TRIP12: variants seen among roughly 807,000 people sequenced by gnomAD.
The protein encoded by TRIP12 is thyroid hormone receptor interactor 12.
TRIP12 carries 25 observed loss-of-function variants against 244.2 expected under a neutral mutation model. The observed-to-expected ratio is 0.10, with a 90% confidence interval of 0.07 to 0.14. The LOEUF (loss-of-function observed/expected upper bound fraction) is 0.14. TRIP12 is among the 10% of genes least tolerant of loss of function. The probability of loss-of-function intolerance (pLI) is 1.00; values close to 1 mark genes in which losing one functional copy is unlikely to be tolerated. For synonymous variants in TRIP12, 905 were observed against 873.1 expected, an observed-to-expected ratio of 1.04 and a Z score of -0.64; for missense variants, 1,677 against 2,486.4, an observed-to-expected ratio of 0.67 and a Z score of 6.92.
rs148440574 is a variant in TRIP12, at chr2:229,858,962, C to G, written c.837G>C (p.Ala279=). The G allele has an allele frequency of 1.9e-6, 3 of 1,614,068 alleles. No individual in the cohort carries two copies. In the African/African-American group the frequency reaches 4.0e-5, roughly 22 times the overall value. ...DQNKARRSRS[A]SSPSPRRSSR... ...TACTTCTTCTGGGGCTGGGACTGGA[C>G]GCTGAACGGGAACGCCTGGCCTTGT... is the stretch of plus-strand genomic sequence containing the variant. The change falls in exon 4 of 42, where the codon GCG becomes GCC. Residue 279 remains alanine, a synonymous_variant. Coordinates refer to ENST00000675903, the MANE Select transcript of TRIP12 (RefSeq NM_001348323.3).
chr2:229,860,310 A>G (rs2060256631), intron 3 of TRIP12, 96 bp downstream of exon 3: 7 of 1,445,072 alleles, frequency 4.8e-6, no homozygotes, highest in Non-Finnish European at 6.5e-6. Flanking sequence ...AATATGTATC[A>G]AAACGTTTTG....
Position 229,795,345 on chromosome 2 carries a change from A to C in TRIP12, c.3817-15T>G, listed in dbSNP as rs745503826. 6.2e-7 allele frequency: 1 copy of C among 1,608,802 alleles called. No homozygotes were observed. The highest frequency in any genetic ancestry group is 8.5e-7 in the Non-Finnish European group (1 of 1,177,556). On this transcript the variant is annotated splice_polypyrimidine_tract_variant and intron_variant, in intron 25 of 41. Coordinates refer to ENST00000675903, the MANE Select transcript of TRIP12 (RefSeq NM_001348323.3). ...TCTCCAGGAAGCTAAAGTTATAAATAAACAAACAGGTTAAACAAAGCCTTT... is the reference window on the plus strand; with the variant it reads ...TCTCCAGGAAGCTAAAGTTATAAATCAACAAACAGGTTAAACAAAGCCTTT...
intron 4 of TRIP12, among the ~76,000 whole-genome samples, chr2:229,847,607 G>T: frequency 6.6e-6 from 1 of 152,186 alleles, no homozygotes; most frequent in East Asian, 1.9e-4. Context: ...AATGCACTGG[G>T]AAGTCCAGAA....
Position 229,810,816 on chromosome 2 carries a change from A to C in TRIP12, c.2221+64T>G. The stretch of plus-strand genomic sequence containing the variant: ...TCTTCCATTTGCTCGGCTTATGTTG[A>C]CTTTACATATTAATGAAGAACCAAC... On this transcript the variant is annotated intron_variant, in intron 15 of 41. Transcript: ENST00000675903. 7 of 1,532,044 alleles carry C rather than the reference A, an allele frequency of 4.6e-6. No individual in the cohort carries two copies. The Middle Eastern group carries it at 6.9e-4, about 150-fold the overall frequency. 94.9% of individuals were successfully genotyped at this position (1,532,044 alleles called of 1,614,324 possible).
At chr2:229,879,762 T>C (rs957578228) in intron 2 of TRIP12, among the ~76,000 whole-genome samples, 2 of 152,180 alleles carry the variant, frequency 1.3e-5, no homozygotes. Flanking sequence ...AGGTGTCTGA[T>C]CATGTCAGTG....
intron 38 of TRIP12, chr2:229,773,880 G>A: frequency 2.5e-6 from 1 of 398,040 alleles, no homozygotes; most frequent in Non-Finnish European, 4.5e-6. Context: ...ATTCAAGCCT[G>A]AGGAGAAATA....
At chr2:229,913,148 C>A (rs571108807) in intron 1 of TRIP12, among the ~76,000 whole-genome samples, 1 of 152,294 alleles carries the variant, frequency 6.6e-6, no homozygotes, top group Non-Finnish European at 1.5e-5. Flanking sequence ...CAGCACCTGG[C>A]TGAATATTTG....
chr2:229,827,451 C>G (rs2052005053), intron 8 of TRIP12, among the ~76,000 whole-genome samples: 2 of 151,914 alleles, frequency 1.3e-5, no homozygotes, highest in South Asian at 4.2e-4. Context: ...TAAGCTTTTT[C>G]CTATTTTGAA....
rs2052643549 is a variant in TRIP12 at position 229,829,298 on chromosome 2, A to G, written c.1355-10T>C. ...CTTGCCTCTAACAAAGCTAAAGAAAAAAGAAGGGCAGAGTGAACAACTAAG... is the reference window on the plus strand; with the variant it reads ...CTTGCCTCTAACAAAGCTAAAGAAAGAAGAAGGGCAGAGTGAACAACTAAG... On this transcript the variant is annotated splice_polypyrimidine_tract_variant and intron_variant, in intron 7 of 41. Transcript: ENST00000675903. 1 of 1,607,772 alleles carries G rather than the reference A, an allele frequency of 6.2e-7. No homozygotes were observed. The highest frequency in any genetic ancestry group is 1.1e-5 in the South Asian group (1 of 89,858).
chr2:229,885,624 C>G (rs2065856773), intron 1 of TRIP12, among the ~76,000 whole-genome samples: 1 of 152,156 alleles, frequency 6.6e-6, no homozygotes, highest in African/African-American at 2.4e-5. Context: ...ATAGAAATCA[C>G]CCTTGTGTAT....
intron 5 of TRIP12, among the ~76,000 whole-genome samples, chr2:229,838,150 G>T (rs1432589104): frequency 1.3e-5 from 2 of 151,850 alleles, no homozygotes; most frequent in African/African-American, 4.8e-5. Context: ...GAGAGCACTG[G>T]AAGAGTTTAT....
intron 1 of TRIP12, among the ~76,000 whole-genome samples, chr2:229,883,044 T>C (rs757810189): frequency 1.3e-5 from 2 of 152,220 alleles, no homozygotes; most frequent in Non-Finnish European, 2.9e-5. Context: ...AAATAAAAGA[T>C]TAACATATGA....
At chr2:229,877,154 G>A (rs1455201064) in intron 2 of TRIP12, among the ~76,000 whole-genome samples, 1 of 152,042 alleles carries the variant, frequency 6.6e-6, no homozygotes, top group East Asian at 1.9e-4. Flanking sequence ...TACTTGCGAT[G>A]CAGTGAGCTA....
chr2:229,864,047 A>AGAGAGAGTGTGTGT, intron 2 of TRIP12, among the ~76,000 whole-genome samples: 13 of 79,296 alleles, frequency 1.6e-4, no homozygotes, highest in Non-Finnish European at 2.8e-4. Flanking sequence ...AGAGAGAGAG[A>AGAGAGAGTGTGTGT]GTGTGTGTGT....
chr2:229,777,867 C>T (rs993985942), intron 36 of TRIP12, among the ~76,000 whole-genome samples: 3 of 152,256 alleles, frequency 2.0e-5, no homozygotes, highest in African/African-American at 4.8e-5. Context: ...AAAGTGCCTC[C>T]GAAAACATGA....
intron 8 of TRIP12, among the ~76,000 whole-genome samples, chr2:229,820,194 G>C (rs1158411517): frequency 6.6e-6 from 1 of 151,998 alleles, no homozygotes; most frequent in Admixed American, 6.5e-5. Context: ...TGGCCTAAGA[G>C]CACAACCCCC....
chr2:229,862,211 T>G (rs2060588731), intron 2 of TRIP12, among the ~76,000 whole-genome samples: 1 of 152,226 alleles, frequency 6.6e-6, no homozygotes, highest in South Asian at 2.1e-4. Flanking sequence ...TTCCTAGATA[T>G]TCTCCCATTG....
chr2:229,818,580 C>G (rs752708410), intron 8 of TRIP12, 68 bp from the exon 9 acceptor site: 5 of 1,445,872 alleles, frequency 3.5e-6, no homozygotes, highest in Non-Finnish European at 4.7e-6. Context: ...TAAGGTGTGA[C>G]TCGAAATGTA....
intron 4 of TRIP12, among the ~76,000 whole-genome samples, chr2:229,845,161 A>C (rs2057314962): frequency 6.6e-6 from 1 of 152,202 alleles, no homozygotes; most frequent in Admixed American, 6.5e-5. Context: ...GTGAGATTGC[A>C]AGTGCTATCT....
Sources: allele counts gnomAD v4.1 joint callset (sites outside exome capture counted in the v4.1 genomes callset), GRCh38; gene constraint gnomAD v4.1.1; transcripts MANE v1.5; gene names NCBI Gene and HGNC (gene_info 2026-07-23, HGNC 2026-07-21).